Variants in CPS1 observed in about 807,000 individuals in gnomAD.
CPS1 encodes carbamoyl-phosphate synthase [ammonia], mitochondrial.
In CPS1, 109 loss-of-function variants were observed where a neutral mutation model predicts 174.6. The ratio of observed to expected loss-of-function variants is 0.62; its 90% CI spans 0.53 to 0.73. CPS1 has a LOEUF of 0.73. CPS1 is among the 30% of genes least tolerant of loss of function. The probability of loss-of-function intolerance (pLI) is 0.00; values close to 1 mark genes in which losing one functional copy is unlikely to be tolerated. For synonymous variants in CPS1, 637 were observed against 632.0 expected (o/e 1.01, Z -0.12); for missense variants, 1,689 against 1,821.9 (o/e 0.93, Z 1.33).
chr2:210,577,278 T>A (rs961909901), intron 3 of CPS1, 143 bp from the exon 4 acceptor site: 1 of 696,622 alleles, frequency 1.4e-6, no homozygotes, highest in Non-Finnish European at 2.6e-6. Context: ...GCATTGATTT[T>A]TTTTTTTTTG....
At chr2:210,487,491 G>A (rs1344829834) in intron 1 of CPS1, among the ~76,000 whole-genome samples, 1 of 152,210 alleles carries the variant, frequency 6.6e-6, no homozygotes, top group Admixed American at 6.5e-5. Flanking sequence ...CAGTGGGCTT[G>A]TCTAAGCCTG....
At position 210,595,556 on chromosome 2, in the gene CPS1, G is replaced by C; in HGVS notation, c.1333G>C (p.Gly445Arg). 2 of 1,611,266 alleles carry C rather than the reference G, an allele frequency of 1.2e-6. No individual in the cohort carries two copies. The highest frequency in any genetic ancestry group is 1.7e-6 in the Non-Finnish European group (2 of 1,178,182). Reference protein sequence around the residue: ...IGQAGEFDYSGSQAVKAMKEE... With the variant: ...IGQAGEFDYSRSQAVKAMKEE... ...TCAGGCTGGAGAATTTGATTACTCA[G>C]GATCTCAAGCTGTAAAAGCCATGAA... is the stretch of plus-strand genomic sequence containing the variant. Residue 445 changes from glycine to arginine, a missense_variant, in exon 13 of 38, where the codon GGA (glycine) becomes CGA (arginine). Transcript: ENST00000233072.
intron 1 of CPS1, among the ~76,000 whole-genome samples, chr2:210,529,255 A>T (rs983916812): frequency 5.3e-5 from 8 of 152,066 alleles, no homozygotes; most frequent in Admixed American, 5.2e-4. Context: ...TGGAACTAAA[A>T]CATCATTTAG....
At chr2:210,497,699 C>T (rs1695025700) in intron 1 of CPS1, among the ~76,000 whole-genome samples, 1 of 151,812 alleles carries the variant, frequency 6.6e-6, no homozygotes, top group South Asian at 2.1e-4. Context: ...CAGCTGCATC[C>T]ACGTTGCTGG....
At position 210,672,375 on chromosome 2, in the gene CPS1, G is replaced by A. The variant is rs138413685; in HGVS notation, c.4102-2527G>A. ...ATCATTATGCTGAGCCTTCTAATGTGATTTGGTACTTACTGAAGTCTATTC... is the reference window on the plus strand; with the variant it reads ...ATCATTATGCTGAGCCTTCTAATGTAATTTGGTACTTACTGAAGTCTATTC... On this transcript the variant is annotated intron_variant, in intron 34 of 37. Transcript: ENST00000233072. 20 of 152,258 alleles carry A rather than the reference G, an allele frequency of 1.3e-4. No individual in the cohort carries two copies. The East Asian group carries it at 3.9e-3, about 29-fold the overall frequency. 9.4% of individuals were successfully genotyped at this position (152,258 alleles called of 1,614,324 possible). A position where few individuals can be genotyped will look rare whatever the true frequency, so the allele number is the denominator to read the frequency against.
chr2:210,648,079 T>G, intron 26 of CPS1, 22 bp downstream of exon 26: 1 of 1,609,584 alleles, frequency 6.2e-7, no homozygotes. Flanking sequence ...AACAAGTATC[T>G]GTTTCTAATG....
intron 3 of CPS1, 43 bp from the exon 4 acceptor site, chr2:210,577,378 T>C: frequency 1.4e-6 from 2 of 1,413,060 alleles, no homozygotes; most frequent in Non-Finnish European, 2.0e-6. Flanking sequence ...AGTTGGATAA[T>C]ATCTTGTGAT....
chr2:210,514,052 T>C (rs536430048), intron 1 of CPS1, among the ~76,000 whole-genome samples: 59 of 152,198 alleles, frequency 3.9e-4, no homozygotes, highest in Admixed American at 1.4e-3. Flanking sequence ...ATGCCTGTTT[T>C]TGTAGCAGTA....
intron 15 of CPS1, 86 bp downstream of exon 15, chr2:210,600,798 T>C (rs1698697292): frequency 7.2e-7 from 1 of 1,396,608 alleles, no homozygotes; most frequent in Non-Finnish European, 1.0e-6. Context: ...ATAATAATAG[T>C]TAAGATTATT....
At chr2:210,658,474 G>C (rs1459291306) in intron 30 of CPS1, 125 bp from the exon 31 acceptor site, 4 of 700,874 alleles carry the variant, frequency 5.7e-6, no homozygotes, top group Non-Finnish European at 2.6e-6. Flanking sequence ...TATTAATGTA[G>C]ATATATAGCT....
At chr2:210,576,322 T>C (rs1222427543) in intron 2 of CPS1, 24 bp from the exon 3 acceptor site, 3 of 1,613,018 alleles carry the variant, frequency 1.9e-6, no homozygotes, top group Non-Finnish European at 1.7e-6. Context: ...TATTTGCTGA[T>C]AATTTTTTGG....
At chr2:210,536,491 A>T (rs1443224148) in intron 1 of CPS1, among the ~76,000 whole-genome samples, 1 of 151,674 alleles carries the variant, frequency 6.6e-6, no homozygotes, top group East Asian at 1.9e-4. Flanking sequence ...CGGCTAATTT[A>T]TTTTTGTATT....
intron 20 of CPS1, among the ~76,000 whole-genome samples, chr2:210,615,127 T>C (rs1162162855): frequency 6.6e-6 from 1 of 151,998 alleles, no homozygotes; most frequent in African/African-American, 2.4e-5. Flanking sequence ...TCCCTCACTG[T>C]ATGTGCTTGT....
At chr2:210,578,178 A>G (rs973263713) in intron 4 of CPS1, among the ~76,000 whole-genome samples, 2 of 152,000 alleles carry the variant, frequency 1.3e-5, no homozygotes, top group African/African-American at 4.8e-5. Flanking sequence ...GGGCAATCTC[A>G]GCTCACTGCA....
rs572085815 is a variant in CPS1, at chr2:210,599,828, G to A, written c.1549+267G>A. ...GTTTCTTGCATTTCTCTACTCTATCGCAGGATATTGCTTTTCTCTGTTGCT... is the reference window on the plus strand; with the variant it reads ...GTTTCTTGCATTTCTCTACTCTATCACAGGATATTGCTTTTCTCTGTTGCT... On this transcript the variant is annotated intron_variant, in intron 14 of 37. Coordinates refer to ENST00000233072, the MANE Select transcript of CPS1 (RefSeq NM_001875.5). Among the ~76,000 whole-genome samples the A allele has an allele frequency of 1.1e-4, 16 of 151,930 alleles. No individual in the cohort carries two copies. In the South Asian group the frequency reaches 1.7e-3, roughly 16 times the overall value.
intron 25 of CPS1, among the ~76,000 whole-genome samples, chr2:210,645,322 C>A (rs1700346181): frequency 6.6e-6 from 1 of 151,534 alleles, no homozygotes; most frequent in Non-Finnish European, 1.5e-5. Flanking sequence ...AGCTTTTCTA[C>A]TACTTTCCAA....
At chr2:210,510,325 A>G (rs925038010) in intron 1 of CPS1, among the ~76,000 whole-genome samples, 49 of 152,218 alleles carry the variant, frequency 3.2e-4, no homozygotes, top group African/African-American at 1.1e-3. Context: ...GGCTAGCCAT[A>G]TGTAGAAAGC....
intron 1 of CPS1, among the ~76,000 whole-genome samples, chr2:210,480,610 C>A (rs1283040194): frequency 1.3e-5 from 2 of 152,136 alleles, no homozygotes; most frequent in Non-Finnish European, 2.9e-5. Flanking sequence ...CTTGAGACTC[C>A]ATATCCTATA....
At chr2:210,578,927 G>A (rs1263565008) in intron 4 of CPS1, among the ~76,000 whole-genome samples, 1 of 152,038 alleles carries the variant, frequency 6.6e-6, no homozygotes, top group Non-Finnish European at 1.5e-5. Context: ...CTAACCAACG[G>A]CTTGTAAGTT....
Sources: gnomAD v4.1 joint callset for allele counts (sites outside exome capture counted in the v4.1 genomes callset) on GRCh38, gnomAD v4.1.1 for gene constraint, MANE v1.5 for transcripts, NCBI Gene and HGNC (gene_info 2026-07-23, HGNC 2026-07-21) for gene names.